The following DCC variants were observed in gnomAD, a reference collection of about 807,000 sequenced individuals.
DCC encodes the protein DCC netrin 1 receptor.
Under a neutral mutation model 172.5 loss-of-function variants are expected in DCC, and 58 were observed. The observed-to-expected ratio is 0.34, with a 90% confidence interval of 0.27 to 0.42. DCC has a LOEUF of 0.42. Ranked by LOEUF, DCC falls within the 10% of genes least tolerant of loss-of-function variation. The pLI is 1.00. For missense variants in DCC, 1,740 were observed against 1,791.0 expected, an observed-to-expected ratio of 0.97 and a Z score of 0.51; for synonymous variants, 709 against 644.5, an observed-to-expected ratio of 1.10 and a Z score of -1.52.
At chr18:52,776,394 TAAAAG>T (rs1250119470) in intron 2 of DCC, among the ~76,000 whole-genome samples, 2 of 152,048 alleles carry the variant, frequency 1.3e-5, no homozygotes, top group African/African-American at 2.4e-5. Flanking sequence ...GTAGAAATTT[TAAAAG>T]AAAAAGAAGG....
At position 53,534,171 on chromosome 18, in the gene DCC, G is replaced by A. The variant is rs1027640564; in HGVS notation, c.*3518G>A. ...AGCTGGACTGTAATTACAACAAAAG[G>A]TTACCTCTAAAGATAACATCTTACC... is the stretch of plus-strand genomic sequence containing the variant. On this transcript the variant is annotated 3_prime_UTR_variant, in exon 29 of 29. Transcript: ENST00000442544. 2 of 152,078 alleles carry A rather than the reference G, an allele frequency of 1.3e-5. No individual in the cohort carries two copies. The highest frequency in any genetic ancestry group is 2.9e-5 in the Non-Finnish European group (2 of 68,022). The allele number at this position is 152,078 out of a possible 1,614,324, so 9.4% of individuals were successfully genotyped here. A position where few individuals can be genotyped will look rare whatever the true frequency, so the allele number is the denominator to read the frequency against.
intron 8 of DCC, among the ~76,000 whole-genome samples, chr18:53,166,328 G>A (rs1404964819): frequency 6.6e-6 from 1 of 152,068 alleles, no homozygotes; most frequent in Non-Finnish European, 1.5e-5. Flanking sequence ...ACCTTCAAAT[G>A]GGAATGTCCC....
At chr18:52,896,065 G>A (rs146499324) in intron 2 of DCC, among the ~76,000 whole-genome samples, 1 of 152,140 alleles carries the variant, frequency 6.6e-6, no homozygotes, top group Non-Finnish European at 1.5e-5. Context: ...GATTACAGGT[G>A]TGAGCCACTG....
intron 2 of DCC, among the ~76,000 whole-genome samples, chr18:52,905,419 A>C (rs1006891212): frequency 6.6e-6 from 1 of 152,166 alleles, no homozygotes; most frequent in Non-Finnish European, 1.5e-5. Context: ...AGCTATCCTA[A>C]TTCCAGCTTT....
At chr18:53,167,089 G>A (rs996351163) in intron 8 of DCC, among the ~76,000 whole-genome samples, 1 of 152,150 alleles carries the variant, frequency 6.6e-6, no homozygotes, top group Non-Finnish European at 1.5e-5. Context: ...CTCTACAAAG[G>A]AAGGTTAATG....
At chr18:52,689,464 C>T (rs1300423985) in intron 1 of DCC, among the ~76,000 whole-genome samples, 3 of 152,058 alleles carry the variant, frequency 2.0e-5, no homozygotes, top group East Asian at 1.9e-4. Flanking sequence ...GATAAATTGA[C>T]GCATCAGGTT....
At chr18:52,925,809 A>G (rs2040193003) in intron 5 of DCC, among the ~76,000 whole-genome samples, 1 of 151,832 alleles carries the variant, frequency 6.6e-6, no homozygotes, top group African/African-American at 2.4e-5. Flanking sequence ...TTAACATGGG[A>G]ATACTGTGAG....
intron 18 of DCC, among the ~76,000 whole-genome samples, chr18:53,398,140 GT>G (rs1182945663): frequency 6.6e-6 from 1 of 152,094 alleles, no homozygotes; most frequent in East Asian, 1.9e-4. Context: ...GGCTTAACAT[GT>G]TTTTTTGATG....
At chr18:53,197,869 A>G (rs2055471025) in intron 9 of DCC, among the ~76,000 whole-genome samples, 1 of 152,130 alleles carries the variant, frequency 6.6e-6, no homozygotes, top group Non-Finnish European at 1.5e-5. Flanking sequence ...AAGAAAAGAT[A>G]AAAAGTGTAT....
At chr18:52,570,444 TAAAC>T (rs1405427128) in intron 1 of DCC, among the ~76,000 whole-genome samples, 1 of 152,218 alleles carries the variant, frequency 6.6e-6, no homozygotes, top group Non-Finnish European at 1.5e-5. Flanking sequence ...ACTTTAATGT[TAAAC>T]AAGCTTTAAA....
At chr18:52,556,845 C>G (rs1324459701) in intron 1 of DCC, among the ~76,000 whole-genome samples, 1 of 152,102 alleles carries the variant, frequency 6.6e-6, no homozygotes, top group African/African-American at 2.4e-5. Context: ...AATGTACTTT[C>G]GTTTTATGAG....
At chr18:53,484,163 C>A (rs532197707) in intron 25 of DCC, among the ~76,000 whole-genome samples, 1 of 151,830 alleles carries the variant, frequency 6.6e-6, no homozygotes, top group Non-Finnish European at 1.5e-5. Context: ...CAACTAACAA[C>A]TACCTGAGAT....
At chr18:52,824,622 A>G (rs150010417) in intron 2 of DCC, among the ~76,000 whole-genome samples, 18 of 152,278 alleles carry the variant, frequency 1.2e-4, no homozygotes, top group African/African-American at 3.6e-4. Context: ...TTGAACTGCT[A>G]TAGTTTTAAA....
chr18:52,957,766 T>G (rs2040770168), intron 5 of DCC, among the ~76,000 whole-genome samples: 1 of 152,066 alleles, frequency 6.6e-6, no homozygotes. Flanking sequence ...GTGCTCCATG[T>G]GCGAAGAACT....
At chr18:52,440,154 C>T (rs1987930087) in intron 1 of DCC, among the ~76,000 whole-genome samples, 1 of 152,080 alleles carries the variant, frequency 6.6e-6, no homozygotes, top group African/African-American at 2.4e-5. Context: ...CTCAGTAGAC[C>T]CCAATTTGAA....
At chr18:52,381,462 C>A (rs991246360) in intron 1 of DCC, among the ~76,000 whole-genome samples, 17 of 152,116 alleles carry the variant, frequency 1.1e-4, no homozygotes, top group African/African-American at 3.6e-4. Context: ...ATGAATTCAA[C>A]ATCAAAGTAG....
chr18:52,973,413 G>T (rs2041062755), intron 5 of DCC, among the ~76,000 whole-genome samples: 1 of 151,980 alleles, frequency 6.6e-6, no homozygotes, highest in Non-Finnish European at 1.5e-5. Context: ...TCAAATTGCG[G>T]CATGTACAAA....
At chr18:53,512,742 A>G (rs4544302) in intron 27 of DCC, among the ~76,000 whole-genome samples, 70,362 of 144,146 alleles carry the variant, frequency 0.49, 18,514 homozygotes, top group East Asian at 0.75. Flanking sequence ...GAAATGAAGC[A>G]AGAAGGGAAG....
intron 1 of DCC, among the ~76,000 whole-genome samples, chr18:52,591,861 G>A (rs567354817): frequency 7.1e-6 from 1 of 141,598 alleles, no homozygotes; most frequent in East Asian, 2.2e-4. Flanking sequence ...CTGGCCTCAA[G>A]CAGTAGGCTT....
Sources: gnomAD v4.1 joint callset for allele counts (sites outside exome capture counted in the v4.1 genomes callset) on GRCh38, gnomAD v4.1.1 for gene constraint, MANE v1.5 for transcripts, NCBI Gene and HGNC (gene_info 2026-07-23, HGNC 2026-07-21) for gene names.